The following CLNK variants were observed in gnomAD, a reference collection of about 807,000 sequenced individuals.
The protein encoded by CLNK is cytokine dependent hematopoietic cell linker.
CLNK carries 74 observed loss-of-function variants against 68.6 expected under a neutral mutation model. The observed-to-expected ratio is 1.08, with a 90% CI of 0.89 to 1.31. The LOEUF is 1.31. Among genes scored for constraint, CLNK ranks in the 50% most tolerant of loss-of-function variants. CLNK has a pLI of 0.00. For synonymous variants in CLNK, 198 were observed against 172.2 expected (o/e 1.15, Z -1.17); for missense variants, 553 against 515.3 (o/e 1.07, Z -0.71).
At position 10,513,585 on chromosome 4, in the gene CLNK, C is replaced by G; in HGVS notation, c.785G>C (p.Gly262Ala). ...HSVQNRDHRG[G>A]MQPCSPQRCQ... ...TCTCTGAGGAGAACAGGGCTGCATG[C>G]CTCCTCTATGATCTGGAAAGGTTAA... The change falls in exon 16 of 19, where the codon GGC (glycine) becomes GCC (alanine). Residue 262 changes from glycine to alanine, a missense_variant. Coordinates refer to ENST00000226951, the MANE Select transcript of CLNK (RefSeq NM_052964.4). 1 of 1,600,484 alleles carries G rather than the reference C, an allele frequency of 6.2e-7. No individual in the cohort carries two copies. Among genetic ancestry groups the G allele is most frequent in the Non-Finnish European group, 8.5e-7 (1 of 1,173,468 alleles).
At chr4:10,580,367 A>G (rs1001196273) in intron 4 of CLNK, among the ~76,000 whole-genome samples, 2 of 152,254 alleles carry the variant, frequency 1.3e-5, no homozygotes, top group African/African-American at 4.8e-5. Flanking sequence ...ACTATATCAT[A>G]CTTTTTATTG....
intron 2 of CLNK, among the ~76,000 whole-genome samples, chr4:10,640,881 C>T (rs549950267): frequency 6.6e-6 from 1 of 152,312 alleles, no homozygotes; most frequent in East Asian, 1.9e-4. Context: ...GAAGTGCTCA[C>T]CTGGGAGCCT....
At chr4:10,724,958 G>T in the CLNK span, among the ~76,000 whole-genome samples, 21 of 152,178 alleles carry the variant, frequency 1.4e-4, no homozygotes, top group Admixed American at 1.3e-3. Flanking sequence ...AGTGGTGGAA[G>T]AACTTATTTG....
chr4:10,578,879 C>A (rs997083040), intron 4 of CLNK, among the ~76,000 whole-genome samples: 1 of 152,110 alleles, frequency 6.6e-6, no homozygotes, highest in Non-Finnish European at 1.5e-5. Context: ...GCCAGTTTAC[C>A]TTATCTATAC....
chr4:10,520,496 CA>C (rs1718013566), intron 15 of CLNK, among the ~76,000 whole-genome samples: 1 of 152,164 alleles, frequency 6.6e-6, no homozygotes, highest in African/African-American at 2.4e-5. Flanking sequence ...TATCCTAAGA[CA>C]GAGCAATTTC....
chr4:10,699,017 A>G, the CLNK span, among the ~76,000 whole-genome samples: 1 of 151,942 alleles, frequency 6.6e-6, no homozygotes, highest in East Asian at 1.9e-4. Context: ...AAGGGTGCCA[A>G]CTTTTGAACT....
the CLNK span, among the ~76,000 whole-genome samples, chr4:10,729,615 A>C: frequency 6.6e-6 from 1 of 152,206 alleles, no homozygotes; most frequent in Non-Finnish European, 1.5e-5. Flanking sequence ...GAATGAAATC[A>C]TGCCTTTTGA....
At chr4:10,500,303 C>G (rs1716984989) in intron 18 of CLNK, among the ~76,000 whole-genome samples, 1 of 152,084 alleles carries the variant, frequency 6.6e-6, no homozygotes, top group South Asian at 2.1e-4. Flanking sequence ...TGTCTTTGGC[C>G]ATTTATTTAA....
At chr4:10,565,062 T>C (rs1720051501) in intron 6 of CLNK, among the ~76,000 whole-genome samples, 2 of 152,206 alleles carry the variant, frequency 1.3e-5, no homozygotes, top group South Asian at 4.1e-4. Flanking sequence ...TGCCATGCCC[T>C]TTAAAAATCT....
the CLNK span, among the ~76,000 whole-genome samples, chr4:10,731,492 C>CA: frequency 6.6e-6 from 1 of 152,138 alleles, no homozygotes; most frequent in East Asian, 1.9e-4. Flanking sequence ...TCTATAACCT[C>CA]AACTTATGAA....
upstream of CLNK, chr4:10,685,162 A>T (rs1331234937): frequency 6.6e-6 from 1 of 152,150 alleles, no homozygotes; most frequent in Non-Finnish European, 1.5e-5. Flanking sequence ...AGACACATGG[A>T]CCAGGTGTTA....
At chr4:10,497,390 A>G (rs1460562161) in intron 18 of CLNK, among the ~76,000 whole-genome samples, 1 of 152,206 alleles carries the variant, frequency 6.6e-6, no homozygotes, top group African/African-American at 2.4e-5. Flanking sequence ...GTGGAAATGT[A>G]TGTTCAACAC....
chr4:10,632,756 GT>G (rs1292273676), intron 2 of CLNK, among the ~76,000 whole-genome samples: 2 of 152,088 alleles, frequency 1.3e-5, no homozygotes, highest in Non-Finnish European at 2.9e-5. Context: ...TTTTTATTCA[GT>G]TTTCACAGAA....
intron 2 of CLNK, among the ~76,000 whole-genome samples, chr4:10,623,877 C>T (rs1722554656): frequency 6.6e-6 from 1 of 152,192 alleles, no homozygotes; most frequent in African/African-American, 2.4e-5. Flanking sequence ...GATGTCTTCT[C>T]TTAAACGGTA....
At chr4:10,713,045 T>C in the CLNK span, among the ~76,000 whole-genome samples, 1 of 152,192 alleles carries the variant, frequency 6.6e-6, no homozygotes, top group East Asian at 1.9e-4. Context: ...GGGAGGCAGA[T>C]TTTAGAGACG....
chr4:10,537,686 CCTTCCTTCCTTCCTTCCTT>C, intron 11 of CLNK, among the ~76,000 whole-genome samples: 1 of 14,150 alleles, frequency 7.1e-5, no homozygotes, highest in Non-Finnish European at 1.6e-4. Context: ...TTTCTTCCTT[CCTTCCTTCCTTCCTTCCTT>C]CCTTTCTTTC....
At chr4:10,618,219 T>C (rs1181540449) in intron 2 of CLNK, among the ~76,000 whole-genome samples, 1 of 152,168 alleles carries the variant, frequency 6.6e-6, no homozygotes, top group Non-Finnish European at 1.5e-5. Context: ...TTACACGCGC[T>C]ACATCAACTA....
chr4:10,703,411 G>A, the CLNK span, among the ~76,000 whole-genome samples: 2 of 152,114 alleles, frequency 1.3e-5, no homozygotes, highest in African/African-American at 4.8e-5. Flanking sequence ...ACGTTTTGGG[G>A]GTTGTTTAAT....
chr4:10,559,587 T>G lies in CLNK; in HGVS notation c.400-1135A>C, dbSNP rs201641648. On this transcript the variant is annotated intron_variant, in intron 7 of 18. Coordinates refer to ENST00000226951, the MANE Select transcript of CLNK (RefSeq NM_052964.4). The stretch of plus-strand genomic sequence containing the variant: ...CATGCCCCATGCTGCATTGCTAGCC[T>G]GGTCATGGAGGCAGGAGAGGTTCCC... 4.8e-4 allele frequency among the ~76,000 whole-genome samples: 73 copies of G among 152,180 alleles called. No homozygotes were observed. In the East Asian group the frequency reaches 8.5e-3, roughly 18 times the overall value.
Sources: allele counts gnomAD v4.1 joint callset (sites outside exome capture counted in the v4.1 genomes callset), GRCh38; gene constraint gnomAD v4.1.1; transcripts MANE v1.5; gene names NCBI Gene and HGNC (gene_info 2026-07-23, HGNC 2026-07-21).